The following SRRM4 variants were observed in gnomAD, a reference collection of about 807,000 sequenced individuals.
SRRM4 encodes the protein serine/arginine repetitive matrix protein 4.
SRRM4 carries 33 observed loss-of-function variants against 68.9 expected under a neutral mutation model. The ratio of observed to expected loss-of-function variants is 0.48; its 90% CI spans 0.36 to 0.64. The LOEUF (loss-of-function observed/expected upper bound fraction) is 0.64, where lower values mean the gene tolerates loss of function less well. SRRM4 is among the 30% of genes least tolerant of loss of function. SRRM4 has a pLI of 0.00. For synonymous variants in SRRM4, 318 were observed against 318.8 expected, an observed-to-expected ratio of 1.00 and a Z score of 0.03; for missense variants, 817 against 827.1, an observed-to-expected ratio of 0.99 and a Z score of 0.15.
chr12:118,985,382 A>G (rs1953275313), intron 1 of SRRM4, among the ~76,000 whole-genome samples: 1 of 152,244 alleles, frequency 6.6e-6, no homozygotes, highest in African/African-American at 2.4e-5. Context: ...AGGTACTGTC[A>G]GTCTAAAGAA....
At chr12:119,083,839 G>T (rs1263827120) in intron 1 of SRRM4, among the ~76,000 whole-genome samples, 1 of 152,156 alleles carries the variant, frequency 6.6e-6, no homozygotes, top group Non-Finnish European at 1.5e-5. Context: ...AACAGCAGCT[G>T]GGCATCTAAA....
intron 8 of SRRM4, among the ~76,000 whole-genome samples, chr12:119,141,362 T>A (rs375825842): frequency 4.5e-4 from 68 of 152,308 alleles, no homozygotes; most frequent in African/African-American, 1.6e-3. Context: ...TATCGAAATA[T>A]CACATATATT....
rs1592886548 is a variant in SRRM4, at chr12:119,071,903, T to C, written c.132-30333T>C. 2.0e-5 allele frequency among the ~76,000 whole-genome samples: 3 copies of C among 152,346 alleles called. No individual in the cohort carries two copies. The Middle Eastern group carries it at 0.01, about 518-fold the overall frequency. ...TTGCCTTCCTGGAACCTAGTCAGTG[T>C]CTGGCACACAGTCCATGCCCATGAA... On this transcript the variant is annotated intron_variant, in intron 1 of 12. Transcript: ENST00000267260.
chr12:119,116,888 T>G, intron 3 of SRRM4, 49 bp from the exon 4 acceptor site: 1 of 1,574,158 alleles, frequency 6.4e-7, no homozygotes, highest in Non-Finnish European at 8.7e-7. Flanking sequence ...GAAACCAACC[T>G]TGGCCTTTAA....
At chr12:118,990,231 T>C (rs1237694897) in intron 1 of SRRM4, among the ~76,000 whole-genome samples, 1 of 152,166 alleles carries the variant, frequency 6.6e-6, no homozygotes, top group Non-Finnish European at 1.5e-5. Context: ...CCAACATGTT[T>C]ATAGGATAAG....
At chr12:119,030,875 C>T (rs376312225) in intron 1 of SRRM4, among the ~76,000 whole-genome samples, 6 of 152,240 alleles carry the variant, frequency 3.9e-5, no homozygotes, top group South Asian at 4.1e-4. Flanking sequence ...TTTCTCCAGC[C>T]TTATATTCAT....
At chr12:119,036,242 G>A (rs1312077227) in intron 1 of SRRM4, among the ~76,000 whole-genome samples, 1 of 152,158 alleles carries the variant, frequency 6.6e-6, no homozygotes, top group Non-Finnish European at 1.5e-5. Context: ...GGCTCCACTT[G>A]GTGTGGCCAT....
At chr12:119,109,745 T>C (rs149041336) in intron 2 of SRRM4, among the ~76,000 whole-genome samples, 199 of 152,326 alleles carry the variant, frequency 1.3e-3, no homozygotes, top group African/African-American at 4.4e-3. Context: ...GTTTTTAGCT[T>C]CTTTGCGATG....
intron 2 of SRRM4, among the ~76,000 whole-genome samples, chr12:119,107,653 T>G (rs1276791542): frequency 6.6e-6 from 1 of 152,220 alleles, no homozygotes; most frequent in East Asian, 1.9e-4. Flanking sequence ...TTCTGTGGGA[T>G]CGGTGGTGAT....
intron 1 of SRRM4, 133 bp downstream of exon 1, chr12:118,982,146 C>T (rs942704978): frequency 5.2e-6 from 6 of 1,151,768 alleles, no homozygotes; most frequent in East Asian, 5.2e-5. Flanking sequence ...CGGCGGCTCC[C>T]GCTGAAACAT....
chr12:119,002,926 T>C (rs1364900148), intron 1 of SRRM4, among the ~76,000 whole-genome samples: 1 of 152,038 alleles, frequency 6.6e-6, no homozygotes, highest in Non-Finnish European at 1.5e-5. Flanking sequence ...TGCTGAACAC[T>C]GCATTTGAAT....
At chr12:119,124,108 A>C (rs11064673) in intron 6 of SRRM4, 2 of 152,118 alleles carry the variant, frequency 1.3e-5, no homozygotes, top group African/African-American at 4.8e-5. Context: ...ATAGGTTATT[A>C]TGAAGAATAG....
At chr12:119,103,360 G>GT (rs1412844828) in intron 2 of SRRM4, among the ~76,000 whole-genome samples, 26 of 152,184 alleles carry the variant, frequency 1.7e-4, no homozygotes, top group African/African-American at 5.5e-4. Flanking sequence ...TATTACCCAA[G>GT]TATCAAACCC....
In SRRM4 at chr12:119,052,159, C is replaced by T. The variant is rs561538941; in HGVS notation, c.132-50077C>T. Among the ~76,000 whole-genome samples, 23 of 152,282 alleles carry T rather than the reference C, an allele frequency of 1.5e-4. No homozygotes were observed. The South Asian group carries it at 4.8e-3, about 32-fold the overall frequency. On this transcript the variant is annotated intron_variant, in intron 1 of 12. Coordinates refer to ENST00000267260, the MANE Select transcript of SRRM4 (RefSeq NM_194286.4). ...ATGCGCCCAATTCATCTGCTTGATG[C>T]CACACTCCCAAGGGGAATTACATCA...
At chr12:119,049,071 C>T (rs888749769) in intron 1 of SRRM4, among the ~76,000 whole-genome samples, 6 of 152,224 alleles carry the variant, frequency 3.9e-5, no homozygotes, top group Non-Finnish European at 8.8e-5. Flanking sequence ...TTTGCCCTTA[C>T]GAAGCTTAAA....
chr12:119,082,968 G>A (rs1438535649), intron 1 of SRRM4, among the ~76,000 whole-genome samples: 1 of 152,206 alleles, frequency 6.6e-6, no homozygotes, highest in East Asian at 1.9e-4. Flanking sequence ...AGGAAGGAGA[G>A]AAAGAACATA....
At position 119,160,602 on chromosome 12, in the gene SRRM4, C is replaced by T. The variant is rs1470476235; in HGVS notation, c.*3804C>T. The T allele has an allele frequency of 6.6e-6, 1 of 152,140 alleles. No homozygotes were observed. The highest frequency in any genetic ancestry group is 2.4e-5 in the African/African-American group (1 of 41,432). The allele number at this position is 152,140 out of a possible 1,614,324, so 9.4% of individuals were successfully genotyped here. A position where few individuals can be genotyped will look rare whatever the true frequency, so the allele number is the denominator to read the frequency against. ...GCATCCCAAGCCTTTGACCTTCCCG[C>T]TATGGAAGTGCACTGGATGACAGAA... On this transcript the variant is annotated 3_prime_UTR_variant, in exon 13 of 13. Transcript: ENST00000267260.
intron 1 of SRRM4, among the ~76,000 whole-genome samples, chr12:119,082,005 G>A (rs1213641564): frequency 6.6e-6 from 1 of 152,202 alleles, no homozygotes; most frequent in African/African-American, 2.4e-5. Context: ...CCATGACAGA[G>A]CTTACAGTTG....
Position 119,125,263 on chromosome 12 carries a change from C to T in SRRM4, c.516-118C>T, listed in dbSNP as rs1307943453. On this transcript the variant is annotated intron_variant, in intron 6 of 12. Coordinates refer to ENST00000267260, the MANE Select transcript of SRRM4 (RefSeq NM_194286.4). ...TGGGGTTGAGGGAGATGGAGAACTTCGGGAGGGATGGTGACCAGTGCAAAG... is the reference window on the plus strand; with the variant it reads ...TGGGGTTGAGGGAGATGGAGAACTTTGGGAGGGATGGTGACCAGTGCAAAG... 8 of 883,202 alleles carry T rather than the reference C, an allele frequency of 9.1e-6. No individual in the cohort carries two copies. In the South Asian group the frequency reaches 1.0e-4, roughly 11 times the overall value. The allele number at this position is 883,202 out of a possible 1,614,324, so 54.7% of individuals were successfully genotyped here. A position where few individuals can be genotyped will look rare whatever the true frequency, so the allele number is the denominator to read the frequency against.
Sources: gnomAD v4.1 joint callset for allele counts (sites outside exome capture counted in the v4.1 genomes callset) on GRCh38, gnomAD v4.1.1 for gene constraint, MANE v1.5 for transcripts, NCBI Gene and HGNC (gene_info 2026-07-23, HGNC 2026-07-21) for gene names.